The following LTBP1 variants were observed in gnomAD, a reference collection of about 807,000 sequenced individuals.
LTBP1 encodes latent transforming growth factor beta binding protein 1.
Under a neutral mutation model 207.6 loss-of-function variants are expected in LTBP1, and 129 were observed. The observed-to-expected ratio is 0.62, with a 90% CI of 0.54 to 0.72. LTBP1 has a LOEUF of 0.72. Among genes scored for constraint, LTBP1 ranks in the 30% least tolerant of loss-of-function variants. The pLI is 0.00. For missense variants in LTBP1, 2,281 were observed against 2,217.2 expected (o/e 1.03, Z -0.58); for synonymous variants, 963 against 833.7 (o/e 1.16, Z -2.67).
intron 2 of LTBP1, among the ~76,000 whole-genome samples, chr2:32,976,934 A>G (rs893792654): frequency 5.3e-5 from 8 of 152,152 alleles, no homozygotes; most frequent in African/African-American, 1.9e-4. Context: ...CTGGGGGAAT[A>G]TGGGGTTGTG....
chr2:33,378,561 T>G (rs573795500), intron 31 of LTBP1, among the ~76,000 whole-genome samples: 2 of 152,284 alleles, frequency 1.3e-5, no homozygotes, highest in South Asian at 2.1e-4. Context: ...TAAAATTTGC[T>G]CTTCTTTTTT....
At chr2:33,353,924 A>G (rs1012728037) in intron 26 of LTBP1, among the ~76,000 whole-genome samples, 7 of 148,198 alleles carry the variant, frequency 4.7e-5, no homozygotes, top group Non-Finnish European at 1.0e-4. Context: ...CAGTGGCACC[A>G]TCTTGACTCA....
chr2:33,351,850 A>G (rs937650512), intron 26 of LTBP1, among the ~76,000 whole-genome samples: 3 of 152,148 alleles, frequency 2.0e-5, no homozygotes, highest in African/African-American at 7.2e-5. Context: ...TCTCCTGTCC[A>G]TTCCTTAAAT....
In LTBP1 at chr2:33,343,052, T is replaced by C. The variant is rs1573933665; in HGVS notation, c.3856+89T>C. On this transcript the variant is annotated intron_variant, in intron 25 of 33. Transcript: ENST00000404816. ...ACAACAGGAGCTTTTAAGCAGGTAA[T>C]TTGGGTAGAGCTTTATCGTAATTTG... The C allele has an allele frequency of 7.2e-6, 10 of 1,396,732 alleles. No individual in the cohort carries two copies. The East Asian group carries it at 2.3e-4, about 33-fold the overall frequency. 86.5% of individuals were successfully genotyped at this position (1,396,732 alleles called of 1,614,324 possible). A position where few individuals can be genotyped will look rare whatever the true frequency, so the allele number is the denominator to read the frequency against.
At chr2:33,059,858 C>G (rs951235953) in intron 3 of LTBP1, among the ~76,000 whole-genome samples, 1 of 152,112 alleles carries the variant, frequency 6.6e-6, no homozygotes, top group Non-Finnish European at 1.5e-5. Context: ...AGACACATCC[C>G]TAAAACAACA....
chr2:33,373,662 T>C (rs902865083), intron 31 of LTBP1, among the ~76,000 whole-genome samples: 1 of 152,192 alleles, frequency 6.6e-6, no homozygotes, highest in Non-Finnish European at 1.5e-5. Context: ...AAGAGATAAG[T>C]AAATGATCTG....
chr2:33,273,348 C>T (rs2093360595), intron 15 of LTBP1, among the ~76,000 whole-genome samples: 1 of 152,126 alleles, frequency 6.6e-6, no homozygotes, highest in Admixed American at 6.5e-5. Flanking sequence ...ATTTTGGAAG[C>T]TGTTTTATTA....
At chr2:33,175,825 T>TA (rs35218436) in intron 5 of LTBP1, among the ~76,000 whole-genome samples, 47 of 148,930 alleles carry the variant, frequency 3.2e-4, no homozygotes, top group African/African-American at 1.1e-3. Flanking sequence ...TATGCAGCCA[T>TA]AAAAAAATGA....
intron 3 of LTBP1, among the ~76,000 whole-genome samples, chr2:33,093,325 C>A (rs1202453096): frequency 6.6e-6 from 1 of 152,076 alleles, no homozygotes; most frequent in Non-Finnish European, 1.5e-5. Flanking sequence ...ATATTGTTTT[C>A]CCCTGCTCTC....
intron 31 of LTBP1, among the ~76,000 whole-genome samples, chr2:33,367,961 T>A (rs2095015229): frequency 6.6e-6 from 1 of 152,222 alleles, no homozygotes; most frequent in Non-Finnish European, 1.5e-5. Context: ...ATGCCTGTAA[T>A]CACAGCACTT....
At chr2:33,301,404 A>G in intron 21 of LTBP1, 118 bp from the exon 22 acceptor site, 1 of 1,207,974 alleles carries the variant, frequency 8.3e-7, no homozygotes, top group African/African-American at 1.5e-5. Context: ...ACAATACATG[A>G]TGGTCATTAC....
At chr2:32,951,923 C>A (rs75371103) in intron 2 of LTBP1, among the ~76,000 whole-genome samples, 1 of 152,114 alleles carries the variant, frequency 6.6e-6, no homozygotes, top group East Asian at 1.9e-4. Context: ...ACCAATGATA[C>A]GCCCACATGA....
chr2:33,060,701 GCTAA>G (rs1242231475), intron 3 of LTBP1, among the ~76,000 whole-genome samples: 3 of 150,460 alleles, frequency 2.0e-5, no homozygotes, highest in African/African-American at 2.4e-5. Flanking sequence ...ATTTGTCATG[GCTAA>G]CTGTGGTCTT....
chr2:33,140,066 G>T (rs1458147251), intron 5 of LTBP1, among the ~76,000 whole-genome samples: 1 of 152,178 alleles, frequency 6.6e-6, no homozygotes, highest in Non-Finnish European at 1.5e-5. Context: ...CTGAATGAAT[G>T]ACAACCTCTG....
intron 8 of LTBP1, 44 bp from the exon 9 acceptor site, chr2:33,222,036 T>G (rs746357069): frequency 7.1e-7 from 1 of 1,402,188 alleles, no homozygotes; most frequent in African/African-American, 1.4e-5. Context: ...TAGTCTAAGA[T>G]TGTAAGAATT....
chr2:33,347,232 G>A (rs1290213768), intron 25 of LTBP1, 135 bp from the exon 26 acceptor site: 28 of 848,540 alleles, frequency 3.3e-5, no homozygotes, highest in Non-Finnish European at 5.0e-5. Flanking sequence ...CCCTAAAAGA[G>A]CAGAAGGGGT....
chr2:33,103,339 C>T (rs1226454144), intron 3 of LTBP1, among the ~76,000 whole-genome samples: 3 of 151,988 alleles, frequency 2.0e-5, no homozygotes, highest in African/African-American at 4.8e-5. Context: ...TATGCATTGT[C>T]TGTATGCATA....
chr2:33,306,954 G>T (rs879307397), intron 22 of LTBP1, among the ~76,000 whole-genome samples: 3 of 152,092 alleles, frequency 2.0e-5, no homozygotes, highest in Admixed American at 2.0e-4. Flanking sequence ...TGGGCGTGGT[G>T]GTGGGCGCCT....
At chr2:33,084,144 G>A (rs1463027768) in intron 3 of LTBP1, among the ~76,000 whole-genome samples, 1 of 152,204 alleles carries the variant, frequency 6.6e-6, no homozygotes, top group East Asian at 1.9e-4. Context: ...AGCAGACAAA[G>A]AAGGCTTTTG....
Sources: allele counts gnomAD v4.1 joint callset (sites outside exome capture counted in the v4.1 genomes callset), GRCh38; gene constraint gnomAD v4.1.1; transcripts MANE v1.5; gene names NCBI Gene and HGNC (gene_info 2026-07-23, HGNC 2026-07-21).